C8orf74: variants seen among roughly 807,000 people sequenced by gnomAD.
C8orf74 encodes chromosome 8 open reading frame 74, also known as uncharacterized protein C8orf74.
In C8orf74, 29 loss-of-function variants were observed where a neutral mutation model predicts 22.2. The observed-to-expected ratio is 1.31, with a 90% confidence interval of 0.97 to 1.78. C8orf74 has a LOEUF of 1.78. Among genes scored for constraint, C8orf74 ranks in the 40% most tolerant of loss-of-function variants. The probability of loss-of-function intolerance (pLI) is 0.00; values close to 1 mark genes in which losing one functional copy is unlikely to be tolerated. For missense variants in C8orf74, 515 were observed against 369.9 expected (o/e 1.39, Z -3.22); for synonymous variants, 255 against 163.1 (o/e 1.56, Z -4.30).
chr8:10,684,468 C>T (rs779979993), intron 2 of C8orf74, among the ~76,000 whole-genome samples: 29 of 152,188 alleles, frequency 1.9e-4, no homozygotes, highest in African/African-American at 4.6e-4. Context: ...AGCTTGCCCT[C>T]TGAGCCCTAG....
intron 2 of C8orf74, chr8:10,675,658 G>C (rs1799017540): frequency 1.3e-5 from 2 of 152,210 alleles, no homozygotes; most frequent in African/African-American, 4.8e-5. Flanking sequence ...GTCAGTAAAA[G>C]GCCACACACA....
At chr8:10,686,766 C>A (rs1383551158) in intron 2 of C8orf74, 1 of 161,944 alleles carries the variant, frequency 6.2e-6, no homozygotes, top group Non-Finnish European at 1.4e-5. Context: ...CAGGTTCTTG[C>A]CATGGAGGCA....
At chr8:10,686,624 C>T (rs1337938629) in intron 2 of C8orf74, 2 of 155,084 alleles carry the variant, frequency 1.3e-5, no homozygotes, top group South Asian at 4.0e-4. Flanking sequence ...AGAAGCTAAG[C>T]AGAGTCGGAC....
chr8:10,697,679 C>G lies in C8orf74; in HGVS notation c.322C>G (p.Leu108Val). The G allele has an allele frequency of 1.2e-6, 2 of 1,613,930 alleles. No homozygotes were observed. Among genetic ancestry groups the G allele is most frequent in the South Asian group, 1.1e-5 (1 of 91,078 alleles). Residue 108 changes from leucine to valine, a missense_variant, in exon 3 of 4, where the codon CTG becomes GTG. Leu to Val is a conservative substitution (Grantham distance 32). Coordinates refer to ENST00000304519, the MANE Select transcript of C8orf74 (RefSeq NM_001040032.2). ...YRGHFNTTHL[L>V]ALCDYFHHTF... ...GGGCCATTTCAACACCACCCACCTG[C>G]TGGCCCTCTGTGACTACTTCCACCA...
intron 2 of C8orf74, chr8:10,675,954 G>C (rs539955680): frequency 2.8e-4 from 43 of 152,384 alleles, no homozygotes; most frequent in African/African-American, 9.9e-4. Flanking sequence ...GTGGAAACCA[G>C]AGTGTGGTCT....
At chr8:10,685,573 T>C (rs1171372382) in intron 2 of C8orf74, among the ~76,000 whole-genome samples, 4 of 152,118 alleles carry the variant, frequency 2.6e-5, no homozygotes, top group African/African-American at 9.7e-5. Flanking sequence ...AGTCCGTCTA[T>C]GAGGAACACA....
At position 10,697,847 on chromosome 8, in the gene C8orf74, C is replaced by T; in HGVS notation, c.490C>T (p.His164Tyr). Reference protein sequence around the residue: ...AEGMDRDLWIHEQQVATLTEA... With the variant: ...AEGMDRDLWIYEQQVATLTEA... Reference sequence around the variant, plus strand: ...GGGCATGGACAGGGACTTGTGGATCCACGAGCAGCAGGTGGCCACACTGAC... The same window carrying T: ...GGGCATGGACAGGGACTTGTGGATCTACGAGCAGCAGGTGGCCACACTGAC... Residue 164 changes from histidine (H) to tyrosine (Y), a missense_variant, in exon 3 of 4, where the codon CAC becomes TAC. Physicochemically the swap from His to Tyr is moderately conservative, Grantham distance 83. Transcript: ENST00000304519. 1 of 1,613,696 alleles carries T rather than the reference C, an allele frequency of 6.2e-7. No individual in the cohort carries two copies. Among genetic ancestry groups the T allele is most frequent in the Non-Finnish European group, 8.5e-7 (1 of 1,179,744 alleles).
At chr8:10,681,652 C>T (rs1799152747) in intron 2 of C8orf74, among the ~76,000 whole-genome samples, 1 of 152,222 alleles carries the variant, frequency 6.6e-6, no homozygotes, top group South Asian at 2.1e-4. Context: ...CAACCCACCA[C>T]CACTCTGACC....
chr8:10,677,528 TATA>T (rs1381666136), intron 2 of C8orf74, among the ~76,000 whole-genome samples: 2 of 152,184 alleles, frequency 1.3e-5, no homozygotes, highest in Non-Finnish European at 2.9e-5. Context: ...AGATGCTATA[TATA>T]ATGAGTCAAA....
chr8:10,694,293 C>T (rs775634513), intron 2 of C8orf74, among the ~76,000 whole-genome samples: 10 of 152,074 alleles, frequency 6.6e-5, no homozygotes, highest in African/African-American at 9.7e-5. Flanking sequence ...GTTCAGTCAC[C>T]GTTTGACAAA....
intron 3 of C8orf74, among the ~76,000 whole-genome samples, chr8:10,698,901 C>A (rs948808016): frequency 2.9e-5 from 4 of 137,628 alleles, no homozygotes; most frequent in South Asian, 2.6e-4. Context: ...TACACACACA[C>A]CACACACACA....
At chr8:10,691,202 A>G in intron 2 of C8orf74, 1 of 337,458 alleles carries the variant, frequency 3.0e-6, no homozygotes, top group Non-Finnish European at 5.9e-6. Flanking sequence ...GACCCAGGAC[A>G]AGGTCTACAC....
intron 2 of C8orf74, among the ~76,000 whole-genome samples, chr8:10,681,081 G>A (rs1297481167): frequency 6.6e-6 from 1 of 151,516 alleles, no homozygotes; most frequent in Admixed American, 6.6e-5. Context: ...AGTGAAGGAG[G>A]GTCATGTTTG....
Position 10,697,907 on chromosome 8 carries a change from C to T in C8orf74, c.550C>T (p.Leu184Phe). ...AEAQKRADVLLLKEALRLERE... is the reference protein window; with the variant it reads ...AEAQKRADVLFLKEALRLERE... ...GGCACAGAAGCGCGCCGACGTGCTG[C>T]TCCTGAAAGAGGCGCTGCGCCTGGA... The change falls in exon 3 of 4, where the codon CTC (leucine) becomes TTC (phenylalanine). Residue 184 changes from leucine to phenylalanine, a missense_variant. Physicochemically the swap from Leu to Phe is conservative, Grantham distance 22 (BLOSUM62 0). Transcript: ENST00000304519. 1 of 1,606,364 alleles carries T rather than the reference C, an allele frequency of 6.2e-7. No individual in the cohort carries two copies. Among genetic ancestry groups the T allele is most frequent in the Non-Finnish European group, 8.5e-7 (1 of 1,175,918 alleles).
At chr8:10,689,383 G>T (rs1799327174) in intron 2 of C8orf74, 1 of 152,214 alleles carries the variant, frequency 6.6e-6, no homozygotes, top group African/African-American at 2.4e-5. Context: ...GCCCCAAATA[G>T]ATTTGAGAAG....
At position 10,700,367 on chromosome 8, in the gene C8orf74, G is replaced by GCCCCCCCCCCCATCCCCCCCCCCCACAC; in HGVS notation, c.786_787insCCCCCCATCCCCCCCCCCCACACCCCCC (p.Thr263ProfsTer66). The stretch of plus-strand genomic sequence containing the variant: ...TCAGAAGAAGACTCTGAACCTCAAC[G>GCCCCCCCCCCCATCCCCCCCCCCCACAC]CCCCCACCCCTATCCCGCCCCCCAT... On this transcript the variant is annotated frameshift_variant, in exon 4 of 4. Coordinates refer to ENST00000304519, the MANE Select transcript of C8orf74 (RefSeq NM_001040032.2). LOFTEE classifies it low-confidence loss of function (END_TRUNC). 1 of 1,590,936 alleles carries GCCCCCCCCCCCATCCCCCCCCCCCACAC rather than the reference G, an allele frequency of 6.3e-7. No homozygotes were observed. Among genetic ancestry groups the GCCCCCCCCCCCATCCCCCCCCCCCACAC allele is most frequent in the Non-Finnish European group, 8.6e-7 (1 of 1,159,764 alleles).
chr8:10,673,206 C>T (rs1255598291), intron 1 of C8orf74, among the ~76,000 whole-genome samples: 1 of 152,122 alleles, frequency 6.6e-6, no homozygotes, highest in Non-Finnish European at 1.5e-5. Context: ...GATCCCTTGC[C>T]TCAGGAAAGC....
At chr8:10,685,372 G>C (rs1445601524) in intron 2 of C8orf74, among the ~76,000 whole-genome samples, 1 of 152,202 alleles carries the variant, frequency 6.6e-6, no homozygotes, top group Non-Finnish European at 1.5e-5. Context: ...ACTCACAATA[G>C]CCAAAAGTGG....
intron 2 of C8orf74, chr8:10,680,102 T>C (rs888453516): frequency 1.1e-4 from 17 of 152,268 alleles, no homozygotes; most frequent in African/African-American, 3.6e-4. Flanking sequence ...CCGATGCCCA[T>C]GGAGACAGAG....
Sources: gnomAD v4.1 joint callset for allele counts (sites outside exome capture counted in the v4.1 genomes callset) on GRCh38, gnomAD v4.1.1 for gene constraint, MANE v1.5 for transcripts, NCBI Gene and HGNC (gene_info 2026-07-23, HGNC 2026-07-21) for gene names.